PHC3: variants seen among roughly 807,000 people sequenced by gnomAD.
PHC3 encodes the protein polyhomeotic homolog 3.
A neutral mutation model predicts 107.4 loss-of-function variants in PHC3; 13 were observed. The ratio of observed to expected loss-of-function variants is 0.12; its 90% confidence interval spans 0.08 to 0.19. PHC3 has a LOEUF of 0.19. Among genes scored for constraint, PHC3 ranks in the 10% least tolerant of loss-of-function variants. The pLI is 1.00. For missense variants in PHC3, 992 were observed against 1,210.9 expected (o/e 0.82, Z 2.68); for synonymous variants, 456 against 427.4 (o/e 1.07, Z -0.83).
At chr3:170,100,118 G>A (rs755477255) in intron 14 of PHC3, among the ~76,000 whole-genome samples, 1 of 152,108 alleles carries the variant, frequency 6.6e-6, no homozygotes, top group Non-Finnish European at 1.5e-5. Flanking sequence ...TTAACAAGAC[G>A]ATATACAAAG....
intron 12 of PHC3, among the ~76,000 whole-genome samples, chr3:170,105,388 C>A (rs1483944817): frequency 6.6e-6 from 1 of 152,102 alleles, no homozygotes; most frequent in African/African-American, 2.4e-5. Flanking sequence ...GAGGAAAACA[C>A]TTCTATTATT....
At chr3:170,163,461 A>AGTGT (rs56986650) in intron 4 of PHC3, among the ~76,000 whole-genome samples, 8,564 of 146,218 alleles carry the variant, frequency 0.059, 272 homozygotes, top group East Asian at 0.08. Context: ...TTTAGTAAAG[A>AGTGT]GTGTGTGTGT....
At chr3:170,161,627 T>C (rs758840807) in intron 4 of PHC3, among the ~76,000 whole-genome samples, 3 of 152,170 alleles carry the variant, frequency 2.0e-5, no homozygotes, top group Non-Finnish European at 4.4e-5. Context: ...TGAGGCCCAG[T>C]TCCTAACAGG....
chr3:170,114,400 A>G (rs1480172302), intron 10 of PHC3, among the ~76,000 whole-genome samples: 4 of 152,216 alleles, frequency 2.6e-5, no homozygotes, highest in Non-Finnish European at 4.4e-5. Flanking sequence ...AAGATTTTTC[A>G]TGCACAAAGC....
At position 170,172,138 on chromosome 3, in the gene PHC3, TAGAC is replaced by T. The variant is rs530353513; in HGVS notation, c.336+415_336+418del. On this transcript the variant is annotated intron_variant, in intron 3 of 14. Transcript: ENST00000495893. ...ACCTTTGAAGAACGGGAAACAGTGATAGACAGGGAAAAGGAACAGCTTTACTTTA... is the reference window on the plus strand; with the variant it reads ...ACCTTTGAAGAACGGGAAACAGTGATAGGGAAAAGGAACAGCTTTACTTTA... 1.8e-3 allele frequency among the ~76,000 whole-genome samples: 279 copies of T among 152,296 alleles called. 2 individuals are homozygous for T. Among genetic ancestry groups the T allele is most frequent in the African/African-American group, 6.0e-3 (250 of 41,576 alleles).
chr3:170,133,182 CTTT>C (rs757533544), intron 7 of PHC3, among the ~76,000 whole-genome samples: 2 of 141,372 alleles, frequency 1.4e-5, no homozygotes, highest in Admixed American at 7.1e-5. Context: ...TTCAGATTAA[CTTT>C]TTTTTTTTTT....
chr3:170,120,774 A>G (rs1311205238), intron 9 of PHC3, among the ~76,000 whole-genome samples: 1 of 151,950 alleles, frequency 6.6e-6, no homozygotes, highest in Non-Finnish European at 1.5e-5. Context: ...AAGAAAGCAG[A>G]GAGCAAGGGT....
intron 4 of PHC3, among the ~76,000 whole-genome samples, chr3:170,157,219 A>G (rs1727035662): frequency 6.6e-6 from 1 of 152,224 alleles, no homozygotes; most frequent in Non-Finnish European, 1.5e-5. Flanking sequence ...CTCAAGACAC[A>G]CTGTTAAGGG....
intron 4 of PHC3, chr3:170,169,799 A>G (rs1380887260): frequency 6.6e-6 from 1 of 152,226 alleles, no homozygotes; most frequent in African/African-American, 2.4e-5. Flanking sequence ...TCCTATTGTT[A>G]TTCCAGTATT....
At chr3:170,111,412 GGAAGGAAA>G (rs1247039962) in intron 11 of PHC3, among the ~76,000 whole-genome samples, 2 of 148,564 alleles carry the variant, frequency 1.3e-5, no homozygotes, top group Admixed American at 6.9e-5. Flanking sequence ...AAGGAAGGAA[GGAAGGAAA>G]GAAGGAAGGA....
chr3:170,117,132 A>C lies in PHC3; in HGVS notation c.2193+94T>G, dbSNP rs1374824231. 4 of 1,472,354 alleles carry C rather than the reference A, an allele frequency of 2.7e-6. No individual in the cohort carries two copies. The African/African-American group carries it at 5.7e-5, about 21-fold the overall frequency. 91.2% of individuals were successfully genotyped at this position (1,472,354 alleles called of 1,614,324 possible). A position where few individuals can be genotyped will look rare whatever the true frequency, so the allele number is the denominator to read the frequency against. On this transcript the variant is annotated intron_variant, in intron 10 of 14. Transcript: ENST00000495893. Reference sequence around the variant, plus strand: ...AAATGGACAACTTTCTTGAAATAAAATTACAAGCTTTTTATTAGAGAACAG... The same window carrying C: ...AAATGGACAACTTTCTTGAAATAAACTTACAAGCTTTTTATTAGAGAACAG...
In PHC3 at chr3:170,097,848, C is replaced by T. The variant is rs1442320960; in HGVS notation, c.2834-464G>A. Among the ~76,000 whole-genome samples the T allele has an allele frequency of 6.6e-6, 1 of 152,106 alleles. No individual in the cohort carries two copies. The highest frequency in any genetic ancestry group is 6.6e-5 in the Admixed American group (1 of 15,252). Reference sequence around the variant, plus strand: ...CTAGAAATATTTTCTCAAGTAAGTACCACTTTCATTATCATTTGTACCTTA... The same window carrying T: ...CTAGAAATATTTTCTCAAGTAAGTATCACTTTCATTATCATTTGTACCTTA... On this transcript the variant is annotated intron_variant, in intron 14 of 14. Coordinates refer to ENST00000495893, the MANE Select transcript of PHC3 (RefSeq NM_024947.4). This position sits in a 1 kb window ranked among gnomAD's most constrained non-coding sequence, Gnocchi z 4.1.
intron 5 of PHC3, 54 bp downstream of exon 5, chr3:170,149,031 AT>A (rs1237747403): frequency 1.3e-6 from 2 of 1,510,862 alleles, no homozygotes; most frequent in African/African-American, 2.8e-5. Context: ...ATCAAGAAAC[AT>A]TTTGATCTCT....
chr3:170,103,011 T>G, intron 12 of PHC3, 77 bp from the exon 13 acceptor site: 2 of 1,398,194 alleles, frequency 1.4e-6, no homozygotes, highest in South Asian at 2.5e-5. Flanking sequence ...GACTTTAAAG[T>G]GCAACTGTGA....
intron 2 of PHC3, among the ~76,000 whole-genome samples, chr3:170,174,561 G>A (rs1277611932): frequency 3.3e-5 from 5 of 152,132 alleles, no homozygotes; most frequent in Non-Finnish European, 4.4e-5. Context: ...AACCCTAATC[G>A]CAGCATCAAA....
chr3:170,148,496 A>T (rs1725371159), intron 5 of PHC3: 1 of 152,206 alleles, frequency 6.6e-6, no homozygotes, highest in Non-Finnish European at 1.5e-5. Flanking sequence ...AGAATAACCA[A>T]ATTAACATTC....
In PHC3 at chr3:170,106,942, T is replaced by C; in HGVS notation, c.2358A>G (p.Thr786=). The C allele has an allele frequency of 6.3e-7, 1 of 1,586,280 alleles. No homozygotes were observed. The highest frequency in any genetic ancestry group is 1.4e-5 in the African/African-American group (1 of 73,376). ...TEMEDMIAEE[T]LEEMDSELLK... ...GCAACTCACTGTCCATTTCTTCTAATGTCTCTAAAAAAGAAGGAAACAAAG... is the reference window on the plus strand; with the variant it reads ...GCAACTCACTGTCCATTTCTTCTAACGTCTCTAAAAAAGAAGGAAACAAAG... Residue 786 remains threonine (T), a synonymous_variant, in exon 12 of 15, where the codon ACA becomes ACG. Coordinates refer to ENST00000495893, the MANE Select transcript of PHC3 (RefSeq NM_024947.4).
At chr3:170,132,666 G>T (rs1402249786) in intron 7 of PHC3, among the ~76,000 whole-genome samples, 1 of 152,162 alleles carries the variant, frequency 6.6e-6, no homozygotes, top group African/African-American at 2.4e-5. Flanking sequence ...CCTCGATCTT[G>T]GGCTTTCCAG....
At chr3:170,178,446 TA>T (rs1730875547) in intron 2 of PHC3, among the ~76,000 whole-genome samples, 2 of 152,350 alleles carry the variant, frequency 1.3e-5, no homozygotes, top group South Asian at 4.1e-4. Flanking sequence ...AAGGAAATTT[TA>T]AAAGGGCTTG....
Sources: gnomAD v4.1 joint callset for allele counts (sites outside exome capture counted in the v4.1 genomes callset) on GRCh38, gnomAD v4.1.1 for gene constraint, Gnocchi (gnomAD v3.1) non-coding constraint, MANE v1.5 for transcripts, NCBI Gene and HGNC (gene_info 2026-07-23, HGNC 2026-07-21) for gene names.